PPP2R2C: variants seen among roughly 807,000 people sequenced by gnomAD.
PPP2R2C encodes the protein protein phosphatase 2, regulatory subunit B, gamma.
Under a neutral mutation model 45.3 loss-of-function variants are expected in PPP2R2C, and 10 were observed. The observed-to-expected ratio is 0.22, with a 90% CI of 0.14 to 0.37. The LOEUF (loss-of-function observed/expected upper bound fraction) is 0.37. Ranked by LOEUF, PPP2R2C falls within the 10% of genes least tolerant of loss-of-function variation. The pLI is 1.00. For missense variants in PPP2R2C, 308 were observed against 619.7 expected (o/e 0.50, Z 5.34); for synonymous variants, 257 against 245.4 (o/e 1.05, Z -0.44).
chr4:6,511,551 GGTGGTGGTGGT>G lies in PPP2R2C; in HGVS notation c.49+23709_49+23719del, dbSNP rs1278758645. Among the ~76,000 whole-genome samples, 2 of 75,470 alleles carry G rather than the reference GGTGGTGGTGGT, an allele frequency of 2.7e-5. 1 individual carries two copies. The highest frequency in any genetic ancestry group is 2.7e-4 in the Admixed American group (2 of 7,418). The allele number at this position is 75,470 out of a possible 152,430, so 49.5% of individuals were successfully genotyped here. On this transcript the variant is annotated intron_variant, in intron 2 of 9. Transcript: ENST00000506140. Reference sequence around the variant, plus strand: ...TGGTGGTGGTGGTGGTGGTGATGGTGGTGGTGGTGGTGGTGGTGGTGATGGCGGTGGTGGTG... The same window carrying G: ...TGGTGGTGGTGGTGGTGGTGATGGTGGGTGGTGGTGATGGCGGTGGTGGTG...
intron 1 of PPP2R2C, among the ~76,000 whole-genome samples, chr4:6,387,857 C>T (rs1716336670): frequency 6.6e-6 from 1 of 151,612 alleles, no homozygotes; most frequent in East Asian, 1.9e-4. Context: ...TCAGCTGAAG[C>T]TTTCCCAAGG....
intron 5 of PPP2R2C, chr4:6,351,249 G>C (rs1349343123): frequency 1.9e-6 from 1 of 529,312 alleles, no homozygotes; most frequent in African/African-American, 2.1e-5. Flanking sequence ...GGAGGCAGAG[G>C]TTGCAGTGAG....
intron 2 of PPP2R2C, among the ~76,000 whole-genome samples, chr4:6,504,689 A>G (rs1166938096): frequency 6.6e-6 from 1 of 152,236 alleles, no homozygotes; most frequent in Non-Finnish European, 1.5e-5. Context: ...TATACTAAAA[A>G]GCAGATAACA....
At chr4:6,408,473 T>A (rs1425968554) in intron 1 of PPP2R2C, among the ~76,000 whole-genome samples, 2 of 152,150 alleles carry the variant, frequency 1.3e-5, no homozygotes, top group African/African-American at 4.8e-5. Flanking sequence ...GAGCCAATCA[T>A]CTTTCTCTCC....
At chr4:6,538,316 C>T (rs1182433460) in intron 1 of PPP2R2C, among the ~76,000 whole-genome samples, 1 of 152,144 alleles carries the variant, frequency 6.6e-6, no homozygotes, top group Non-Finnish European at 1.5e-5. Context: ...CCCACGGACG[C>T]TTCCTCGGGG....
intron 1 of PPP2R2C, among the ~76,000 whole-genome samples, chr4:6,437,685 C>T (rs771092189): frequency 1.3e-5 from 2 of 152,194 alleles, no homozygotes; most frequent in Admixed American, 6.5e-5. Context: ...AAAGGTACAG[C>T]GGCCAACAGT....
intron 2 of PPP2R2C, among the ~76,000 whole-genome samples, chr4:6,520,811 A>T (rs1392870662): frequency 6.6e-6 from 1 of 152,248 alleles, no homozygotes; most frequent in Non-Finnish European, 1.5e-5. Flanking sequence ...ATCGGGTCAC[A>T]GATTCTTCCC....
intron 1 of PPP2R2C, among the ~76,000 whole-genome samples, chr4:6,464,400 G>A (rs1426332835): frequency 6.6e-6 from 1 of 152,198 alleles, no homozygotes; most frequent in African/African-American, 2.4e-5. Context: ...TCTCTCCTGA[G>A]AAGTAGCTAG....
At chr4:6,379,833 G>A (rs1715638218) in intron 2 of PPP2R2C, among the ~76,000 whole-genome samples, 1 of 152,196 alleles carries the variant, frequency 6.6e-6, no homozygotes, top group Admixed American at 6.5e-5. Flanking sequence ...ACCGTGAGGA[G>A]GGTTATGTGA....
chr4:6,457,483 A>C (rs1721106146), intron 1 of PPP2R2C, among the ~76,000 whole-genome samples: 1 of 151,948 alleles, frequency 6.6e-6, no homozygotes, highest in African/African-American at 2.4e-5. Context: ...GTGATCCTCC[A>C]GCCTCAGCCT....
chr4:6,382,498 C>G (rs756282168), intron 1 of PPP2R2C: 16 of 1,351,930 alleles, frequency 1.2e-5, no homozygotes, highest in Non-Finnish European at 1.1e-5. Flanking sequence ...TATTCAAAAC[C>G]CTTCATTGGT....
intron 1 of PPP2R2C, among the ~76,000 whole-genome samples, chr4:6,401,502 T>A (rs530502352): frequency 6.6e-6 from 1 of 151,648 alleles, no homozygotes; most frequent in East Asian, 1.9e-4. Flanking sequence ...GATGCAGCTA[T>A]TCAGCCTTCC....
intron 1 of PPP2R2C, among the ~76,000 whole-genome samples, chr4:6,558,633 A>G (rs1725488077): frequency 6.6e-6 from 1 of 152,220 alleles, no homozygotes; most frequent in African/African-American, 2.4e-5. Flanking sequence ...TTTGGCAGCC[A>G]GGAACTACAC....
intron 2 of PPP2R2C, among the ~76,000 whole-genome samples, chr4:6,512,575 GTGA>G (rs201089432): frequency 2.4e-4 from 24 of 98,936 alleles, no homozygotes; most frequent in African/African-American, 9.2e-4. Context: ...GGTGGTGATG[GTGA>G]TGGTGGTGAT....
chr4:6,347,740 G>A, intron 6 of PPP2R2C, 106 bp downstream of exon 6: 2 of 1,402,096 alleles, frequency 1.4e-6, no homozygotes, highest in Non-Finnish European at 1.9e-6. Context: ...TCCAGGACAT[G>A]CTCATCCCAC....
intron 6 of PPP2R2C, among the ~76,000 whole-genome samples, chr4:6,343,257 G>A (rs1266879088): frequency 6.6e-6 from 1 of 152,080 alleles, no homozygotes; most frequent in Non-Finnish European, 1.5e-5. Context: ...CCCAATGTGC[G>A]GCAAATTAAA....
rs527332772 is a variant in PPP2R2C, at chr4:6,382,022, G to A, written c.71-928C>T. On this transcript the variant is annotated intron_variant, in intron 1 of 8. Coordinates refer to ENST00000382599, the MANE Select transcript of PPP2R2C (RefSeq NM_020416.4). ...TAGCCTGGAAGAGAAACCCCCACTG[G>A]AGGACAGCTCACCAACCTGAAGCCT... is the stretch of plus-strand genomic sequence containing the variant. 1.6e-3 allele frequency: 2,192 copies of A among 1,411,552 alleles called. 1 individual carries two copies. Among genetic ancestry groups the A allele is most frequent in the Non-Finnish European group, 1.9e-3 (2,031 of 1,089,422 alleles). The allele number at this position is 1,411,552 out of a possible 1,614,324, so 87.4% of individuals were successfully genotyped here.
chr4:6,347,800 C>CCCCA, intron 6 of PPP2R2C, 46 bp downstream of exon 6: 9 of 1,253,246 alleles, frequency 7.2e-6, no homozygotes, highest in East Asian at 2.8e-5. Flanking sequence ...CCCACCCGCC[C>CCCCA]GCCTGCCCAA....
At chr4:6,399,112 C>A (rs553982658) in intron 1 of PPP2R2C, among the ~76,000 whole-genome samples, 39 of 152,296 alleles carry the variant, frequency 2.6e-4, no homozygotes, top group African/African-American at 8.9e-4. Context: ...ATGGACCACA[C>A]AGAGAACAGG....
Sources: allele counts gnomAD v4.1 joint callset (sites outside exome capture counted in the v4.1 genomes callset), GRCh38; gene constraint gnomAD v4.1.1; transcripts MANE v1.5; gene names NCBI Gene and HGNC (gene_info 2026-07-23, HGNC 2026-07-21).